PARVB: variants seen among roughly 807,000 people sequenced by gnomAD.
PARVB encodes beta-parvin.
In PARVB, 46 loss-of-function variants were observed where a neutral mutation model predicts 47.0. That is an observed-to-expected ratio of 0.98 (90% confidence interval 0.77 to 1.25). The LOEUF (loss-of-function observed/expected upper bound fraction) is 1.25. Ranked by LOEUF, PARVB falls within the 50% of genes most tolerant of loss-of-function variation. PARVB has a pLI of 0.00. For missense variants in PARVB, 473 were observed against 471.6 expected (o/e 1.00, Z -0.03); for synonymous variants, 196 against 196.3 (o/e 1.00, Z 0.01).
chr22:44,154,734 TGTG>T (rs1024175324), intron 10 of PARVB, among the ~76,000 whole-genome samples: 1 of 148,642 alleles, frequency 6.7e-6, no homozygotes, highest in African/African-American at 2.5e-5. Context: ...GTCTGTGTGG[TGTG>T]TGTGTGGTTT....
chr22:44,157,301 C>T (rs141443365), intron 10 of PARVB, among the ~76,000 whole-genome samples: 127 of 152,254 alleles, frequency 8.3e-4, no homozygotes, highest in Non-Finnish European at 1.1e-3. Context: ...CCCTCCCAGC[C>T]GTCTCGCTGT....
chr22:44,033,045 C>T (rs540686159), intron 1 of PARVB, among the ~76,000 whole-genome samples: 3 of 152,124 alleles, frequency 2.0e-5, no homozygotes, highest in African/African-American at 7.2e-5. Context: ...ATGTTGGTAT[C>T]TTAACTCTTC....
chr22:44,079,723 T>A (rs2051856711), intron 1 of PARVB, among the ~76,000 whole-genome samples: 1 of 152,008 alleles, frequency 6.6e-6, no homozygotes, highest in African/African-American at 2.4e-5. Context: ...AGGTCAGGAG[T>A]TCGAGACCAG....
intron 1 of PARVB, among the ~76,000 whole-genome samples, chr22:44,056,991 G>GCGTTTT: frequency 1.2e-5 from 1 of 80,788 alleles, no homozygotes; most frequent in Non-Finnish European, 2.6e-5. Flanking sequence ...TGAGCTGGGG[G>GCGTTTT]TGGAGCTGGG....
intron 1 of PARVB, among the ~76,000 whole-genome samples, chr22:44,092,936 T>C (rs1486372428): frequency 1.3e-5 from 2 of 152,214 alleles, no homozygotes; most frequent in Non-Finnish European, 2.9e-5. Context: ...TGAACCTGTT[T>C]CATGGAGAAA....
intron 2 of PARVB, among the ~76,000 whole-genome samples, chr22:44,017,867 G>A (rs532318857): frequency 7.9e-5 from 12 of 152,156 alleles, no homozygotes; most frequent in African/African-American, 2.9e-4. Context: ...GGGGTGCCAA[G>A]GGCAGTAGGG....
intron 1 of PARVB, among the ~76,000 whole-genome samples, chr22:44,071,348 C>G (rs2051650324): frequency 6.6e-6 from 1 of 152,192 alleles, no homozygotes; most frequent in African/African-American, 2.4e-5. Context: ...CATATATCCT[C>G]CACTTCTTCA....
intron 2 of PARVB, among the ~76,000 whole-genome samples, chr22:44,011,276 C>T (rs1486066900): frequency 6.6e-6 from 1 of 152,108 alleles, no homozygotes. Flanking sequence ...ACCTGGCCTG[C>T]TTACACATCA....
Position 44,167,607 on chromosome 22 carries a change from TCTCCCTCCC to T in PARVB, c.1019-992_1019-984del, listed in dbSNP as rs1176623837. ...CCACCTCCAACTCCATGGCCGCCATTCTCCCTCCCCTGCCTCCACTGGGCTGTTGGGAGC... is the reference window on the plus strand; with the variant it reads ...CCACCTCCAACTCCATGGCCGCCATTCTGCCTCCACTGGGCTGTTGGGAGC... On this transcript the variant is annotated intron_variant, in intron 12 of 12. Transcript: ENST00000338758. 3.3e-5 allele frequency among the ~76,000 whole-genome samples: 5 copies of T among 152,022 alleles called. No individual in the cohort carries two copies. The East Asian group carries it at 9.7e-4, about 29-fold the overall frequency.
At chr22:44,001,772 A>G (rs1455608314) in intron 2 of PARVB, among the ~76,000 whole-genome samples, 3 of 152,176 alleles carry the variant, frequency 2.0e-5, no homozygotes, top group Non-Finnish European at 4.4e-5. Flanking sequence ...CCAGATACCC[A>G]CGTCTGAATC....
chr22:44,060,258 G>A lies in PARVB; in HGVS notation c.113-33670G>A, dbSNP rs574542354. ...TTGAACCCAGGAGGTGGAGGTTGCA[G>A]TGAGCTGAGATTCTGCCACTGCACT... is the stretch of plus-strand genomic sequence containing the variant. On this transcript the variant is annotated intron_variant, in intron 1 of 12. Transcript: ENST00000338758. 2.0e-5 allele frequency among the ~76,000 whole-genome samples: 3 copies of A among 152,264 alleles called. 1 individual carries two copies. In the East Asian group the frequency reaches 5.8e-4, roughly 29 times the overall value.
intron 1 of PARVB, among the ~76,000 whole-genome samples, chr22:44,029,651 C>G (rs2050789763): frequency 6.6e-6 from 1 of 152,000 alleles, no homozygotes; most frequent in Admixed American, 6.5e-5. Flanking sequence ...TGGCTCACGC[C>G]TGTAATCCCA....
chr22:44,127,028 T>C (rs983050431), intron 4 of PARVB, among the ~76,000 whole-genome samples: 8 of 152,342 alleles, frequency 5.3e-5, no homozygotes, highest in Middle Eastern at 3.4e-3. Context: ...CTTCAGTTAG[T>C]GCTAGCAAAT....
intron 1 of PARVB, among the ~76,000 whole-genome samples, chr22:44,046,989 C>T (rs184539244): frequency 2.0e-5 from 3 of 152,098 alleles, no homozygotes; most frequent in Non-Finnish European, 2.9e-5. Flanking sequence ...GCCCGGGGGC[C>T]GTAGCTACAG....
chr22:44,069,964 T>C (rs2051619652), intron 1 of PARVB, among the ~76,000 whole-genome samples: 1 of 152,178 alleles, frequency 6.6e-6, no homozygotes, highest in African/African-American at 2.4e-5. Flanking sequence ...AGAAGGTGCT[T>C]TGCACTGGGC....
chr22:44,162,097 C>T (rs545865613), intron 11 of PARVB, among the ~76,000 whole-genome samples: 65 of 152,366 alleles, frequency 4.3e-4, no homozygotes, highest in African/African-American at 1.5e-3. Context: ...TTGGTGCTGG[C>T]AGGTCATTCG....
chr22:44,118,456 C>T (rs577288342), intron 3 of PARVB, among the ~76,000 whole-genome samples: 24 of 152,278 alleles, frequency 1.6e-4, no homozygotes, highest in Admixed American at 4.6e-4. Context: ...ATGCAGCTGA[C>T]GGTGGTCACA....
chr22:44,099,948 T>C, intron 2 of PARVB, 105 bp from the exon 3 acceptor site: 1 of 906,330 alleles, frequency 1.1e-6, no homozygotes, highest in African/African-American at 1.6e-5. Context: ...TAGTGCTGGG[T>C]TCTCTGCTTC....
rs2051584703 is a variant in PARVB, at chr22:44,068,547, T to C, written c.113-25381T>C. Among the ~76,000 whole-genome samples, 1 of 152,188 alleles carries C rather than the reference T, an allele frequency of 6.6e-6. No individual in the cohort carries two copies. The highest frequency in any genetic ancestry group is 1.5e-5 in the Non-Finnish European group (1 of 68,028). ...GCAGCCTCAGCTTCTTCTTTCTGTGTCCGATATTTGATTTCTGTTGTCGTG... is the reference window on the plus strand; with the variant it reads ...GCAGCCTCAGCTTCTTCTTTCTGTGCCCGATATTTGATTTCTGTTGTCGTG... On this transcript the variant is annotated intron_variant, in intron 1 of 12. Coordinates refer to ENST00000338758, the MANE Select transcript of PARVB (RefSeq NM_013327.5). This position sits in a 1 kb window ranked among gnomAD's most constrained non-coding sequence, Gnocchi z 4.1.
Sources: allele counts gnomAD v4.1 joint callset (sites outside exome capture counted in the v4.1 genomes callset), GRCh38; gene constraint gnomAD v4.1.1; non-coding constraint Gnocchi (gnomAD v3.1); transcripts MANE v1.5; gene names NCBI Gene and HGNC (gene_info 2026-07-23, HGNC 2026-07-21).